The following ELOVL7 variants were observed in gnomAD, a reference collection of about 807,000 sequenced individuals.
ELOVL7 encodes the protein very long chain fatty acid elongase 7.
In ELOVL7, 27 loss-of-function variants were observed where a neutral mutation model predicts 35.7. The observed-to-expected ratio is 0.76, with a 90% CI of 0.56 to 1.04. ELOVL7 has a LOEUF of 1.04. Ranked by LOEUF, ELOVL7 falls within the 50% of genes least tolerant of loss-of-function variation. The probability of loss-of-function intolerance (pLI) is 0.00; values close to 1 mark genes in which losing one functional copy is unlikely to be tolerated. For synonymous variants in ELOVL7, 113 were observed against 114.6 expected (o/e 0.99, Z 0.09); for missense variants, 327 against 340.8 (o/e 0.96, Z 0.32).
chr5:60,753,831 T>C lies in ELOVL7; in HGVS notation c.*793A>G, dbSNP rs1741380443. The C allele has an allele frequency of 6.6e-6, 1 of 152,220 alleles. No individual in the cohort carries two copies. Among genetic ancestry groups the C allele is most frequent in the African/African-American group, 2.4e-5 (1 of 41,458 alleles). 9.4% of individuals were successfully genotyped at this position (152,220 alleles called of 1,614,324 possible). A position where few individuals can be genotyped will look rare whatever the true frequency, so the allele number is the denominator to read the frequency against. On this transcript the variant is annotated 3_prime_UTR_variant, in exon 9 of 9. Transcript: ENST00000508821. ...CTTTTTTCATTGACAAATTCACCTC[T>C]TTCCAGAGATATACAAAGTTAATTG...
intron 3 of ELOVL7, among the ~76,000 whole-genome samples, chr5:60,781,403 A>G (rs1743246700): frequency 6.6e-6 from 1 of 152,088 alleles, no homozygotes; most frequent in Non-Finnish European, 1.5e-5. Flanking sequence ...ATGTCAGTAA[A>G]AGAATTGCTG....
At chr5:60,784,609 G>A (rs1197803790) in intron 3 of ELOVL7, among the ~76,000 whole-genome samples, 1 of 152,158 alleles carries the variant, frequency 6.6e-6, no homozygotes, top group East Asian at 1.9e-4. Flanking sequence ...ACGCTACTCA[G>A]GGTTAGGGCT....
chr5:60,833,403 A>C (rs1057102104), intron 1 of ELOVL7, among the ~76,000 whole-genome samples: 2 of 152,144 alleles, frequency 1.3e-5, no homozygotes, highest in Non-Finnish European at 2.9e-5. Flanking sequence ...CTTGGGTGGG[A>C]CAATGCTGAG....
chr5:60,836,358 T>C (rs974895389), intron 1 of ELOVL7, among the ~76,000 whole-genome samples: 31 of 152,148 alleles, frequency 2.0e-4, no homozygotes, highest in African/African-American at 7.2e-4. Context: ...CTATCTTCTT[T>C]CTTTCTTCAA....
rs1247212451 is a variant in ELOVL7 at position 60,844,256 on chromosome 5, C to T, written c.-182G>A. ...AGCTCCTCACAGCGGCCCCCGCTGTCCCGGCCGCCGACTGGGTTGGAAAGG... is the reference window on the plus strand; with the variant it reads ...AGCTCCTCACAGCGGCCCCCGCTGTTCCGGCCGCCGACTGGGTTGGAAAGG... On this transcript the variant is annotated 5_prime_UTR_variant, in exon 1 of 9. Transcript: ENST00000508821. 6.6e-6 allele frequency: 1 copy of T among 152,012 alleles called. No homozygotes were observed. The highest frequency in any genetic ancestry group is 2.4e-5 in the African/African-American group (1 of 41,434). The allele number at this position is 152,012 out of a possible 1,614,324, so 9.4% of individuals were successfully genotyped here.
At chr5:60,798,399 G>A (rs1744392675) in intron 2 of ELOVL7, among the ~76,000 whole-genome samples, 1 of 152,062 alleles carries the variant, frequency 6.6e-6, no homozygotes, top group Non-Finnish European at 1.5e-5. Context: ...AGAACATGGA[G>A]GATTAAAGGG....
intron 1 of ELOVL7, among the ~76,000 whole-genome samples, chr5:60,819,380 G>A (rs1313675328): frequency 1.3e-5 from 2 of 152,102 alleles, no homozygotes; most frequent in Admixed American, 6.5e-5. Flanking sequence ...TGAAGTTGAA[G>A]GGTCGTGATC....
chr5:60,798,526 A>G (rs951650217), intron 2 of ELOVL7, among the ~76,000 whole-genome samples: 1 of 152,170 alleles, frequency 6.6e-6, no homozygotes, highest in African/African-American at 2.4e-5. Context: ...CAAGGAATAA[A>G]AGTTTGAAAT....
At chr5:60,834,607 A>C (rs1474539400) in intron 1 of ELOVL7, among the ~76,000 whole-genome samples, 1 of 152,170 alleles carries the variant, frequency 6.6e-6, no homozygotes, top group African/African-American at 2.4e-5. Flanking sequence ...ATTTGAGATC[A>C]GCTTGGGCAA....
intron 3 of ELOVL7, among the ~76,000 whole-genome samples, chr5:60,772,677 C>T (rs963747293): frequency 5.3e-5 from 8 of 152,142 alleles, no homozygotes; most frequent in African/African-American, 1.9e-4. Context: ...CTGAATCTAA[C>T]CAGAAAGCAT....
chr5:60,819,712 G>A lies in ELOVL7; in HGVS notation c.-85-20482C>T, dbSNP rs367983708. On this transcript the variant is annotated intron_variant, in intron 1 of 8. Transcript: ENST00000508821. The stretch of plus-strand genomic sequence containing the variant: ...GAGGCACGAGAATCATTTGAACCTG[G>A]GAGGTGGAGGTTGCAGTGAGCCAAG... Among the ~76,000 whole-genome samples the A allele has an allele frequency of 6.6e-5, 10 of 152,230 alleles. No homozygotes were observed. The East Asian group carries it at 1.4e-3, about 21-fold the overall frequency.
At chr5:60,783,972 G>T in intron 3 of ELOVL7, 1 of 587,328 alleles carries the variant, frequency 1.7e-6, no homozygotes, top group East Asian at 2.8e-5. Context: ...AGGATGGGAA[G>T]GCAGGCTGTC....
intron 1 of ELOVL7, among the ~76,000 whole-genome samples, chr5:60,820,814 C>T (rs1262829173): frequency 1.3e-5 from 2 of 152,150 alleles, no homozygotes; most frequent in Admixed American, 1.3e-4. Flanking sequence ...AGTCCCTTCC[C>T]CTTTCCTTCA....
intron 2 of ELOVL7, among the ~76,000 whole-genome samples, chr5:60,792,817 G>C (rs1242884676): frequency 2.0e-5 from 3 of 152,214 alleles, no homozygotes; most frequent in Admixed American, 2.0e-4. Context: ...TTCAGACCTG[G>C]TGATGGCTTA....
chr5:60,807,621 AG>A (rs1745005273), intron 1 of ELOVL7, among the ~76,000 whole-genome samples: 1 of 152,180 alleles, frequency 6.6e-6, no homozygotes, highest in South Asian at 2.1e-4. Flanking sequence ...AAAAGAACCC[AG>A]AACAACAAAA....
intron 2 of ELOVL7, among the ~76,000 whole-genome samples, chr5:60,795,172 T>A (rs1744173356): frequency 6.6e-6 from 1 of 151,572 alleles, no homozygotes; most frequent in South Asian, 2.1e-4. Context: ...CAGATGTGAG[T>A]CAGAATGGGG....
intron 3 of ELOVL7, among the ~76,000 whole-genome samples, chr5:60,776,892 G>C (rs1742936352): frequency 6.6e-6 from 1 of 152,202 alleles, no homozygotes; most frequent in Non-Finnish European, 1.5e-5. Flanking sequence ...AACAGGTAGT[G>C]ATAGTGACAG....
At position 60,753,744 on chromosome 5, in the gene ELOVL7, A is replaced by G. The variant is rs1002265786; in HGVS notation, c.*880T>C. On this transcript the variant is annotated 3_prime_UTR_variant, in exon 9 of 9. Transcript: ENST00000508821. ...CAAGATAATAATTTAAACCATGACA[A>G]TGTAAGAAAGTGATGTGATACTATA... 6.6e-6 allele frequency: 1 copy of G among 152,204 alleles called. No homozygotes were observed. The highest frequency in any genetic ancestry group is 1.5e-5 in the Non-Finnish European group (1 of 68,026). The allele number at this position is 152,204 out of a possible 1,614,324, so 9.4% of individuals were successfully genotyped here.
chr5:60,794,075 GGAGTA>G (rs368936481), intron 2 of ELOVL7, among the ~76,000 whole-genome samples: 198 of 152,326 alleles, frequency 1.3e-3, no homozygotes, highest in African/African-American at 4.7e-3. Context: ...ATGTATGGCA[GGAGTA>G]GAGTAAACAG....
Sources: allele counts gnomAD v4.1 joint callset (sites outside exome capture counted in the v4.1 genomes callset), GRCh38; gene constraint gnomAD v4.1.1; transcripts MANE v1.5; gene names NCBI Gene and HGNC (gene_info 2026-07-23, HGNC 2026-07-21).